TXNRD1: variants seen among roughly 807,000 people sequenced by gnomAD.
TXNRD1 encodes the protein thioredoxin reductase 1, cytoplasmic.
TXNRD1 carries 57 observed loss-of-function variants against 80.3 expected under a neutral mutation model. That is an observed-to-expected ratio of 0.71 (90% CI 0.57 to 0.89). TXNRD1 has a LOEUF of 0.89. Among genes scored for constraint, TXNRD1 ranks in the 40% least tolerant of loss-of-function variants. TXNRD1 has a pLI of 0.00. For synonymous variants in TXNRD1, 291 were observed against 285.2 expected, an observed-to-expected ratio of 1.02 and a Z score of -0.20; for missense variants, 730 against 803.0, an observed-to-expected ratio of 0.91 and a Z score of 1.10.
chr12:104,309,691 A>C, intron 4 of TXNRD1: 1 of 1,179,388 alleles, frequency 8.5e-7, no homozygotes, highest in Non-Finnish European at 1.2e-6. Flanking sequence ...GAGTCACACT[A>C]GTTACTTGAA....
chr12:104,315,826 G>A lies in TXNRD1; in HGVS notation c.660G>A (p.Met220Ile). Residue 220 changes from methionine (M) to isoleucine (I), a missense_variant, in exon 7 of 17, where the codon ATG (methionine) becomes ATA (isoleucine). Met to Ile is a conservative substitution (Grantham distance 10). Transcript: ENST00000525566. ...VNVGCIPKKL[M>I]HQAALLGQAL... ...TGGGTTGCATACCTAAAAAACTGAT[G>A]CATCAAGCAGCTTTGTTAGGACAAG... is the stretch of plus-strand genomic sequence containing the variant. 6.2e-7 allele frequency: 1 copy of A among 1,612,708 alleles called. No homozygotes were observed. Among genetic ancestry groups the A allele is most frequent in the Non-Finnish European group, 8.5e-7 (1 of 1,179,084 alleles).
chr12:104,270,481 G>A (rs1035769824), intron 3 of TXNRD1, among the ~76,000 whole-genome samples: 3 of 152,126 alleles, frequency 2.0e-5, no homozygotes, highest in Admixed American at 6.6e-5. Context: ...GGTCTCAACA[G>A]TGGGCTTAAA....
chr12:104,309,672 C>A, intron 4 of TXNRD1: 1 of 940,804 alleles, frequency 1.1e-6, no homozygotes, highest in Non-Finnish European at 1.5e-6. Context: ...CTCTTTGAGA[C>A]CCAGTAGGGA....
At chr12:104,267,647 ATCTTTCTTTCTT>A (rs753275941) in intron 3 of TXNRD1, among the ~76,000 whole-genome samples, 1 of 140,460 alleles carries the variant, frequency 7.1e-6, no homozygotes, top group Admixed American at 7.3e-5. Context: ...ATGTGATGGT[ATCTTTCTTTCTT>A]TCTTTCTTTC....
chr12:104,268,235 G>T (rs557344507), intron 3 of TXNRD1, among the ~76,000 whole-genome samples: 15 of 151,210 alleles, frequency 9.9e-5, no homozygotes, highest in South Asian at 2.1e-4. Context: ...TCACTGGCTG[G>T]GTGCGGTGGC....
chr12:104,230,114 G>A (rs1040650662), intron 1 of TXNRD1, among the ~76,000 whole-genome samples: 1 of 151,750 alleles, frequency 6.6e-6, no homozygotes, highest in Non-Finnish European at 1.5e-5. Flanking sequence ...CTGTCACCCA[G>A]GCTGGAGTGC....
chr12:104,340,585 G>A (rs528933556), intron 16 of TXNRD1, among the ~76,000 whole-genome samples: 10 of 152,250 alleles, frequency 6.6e-5, no homozygotes, highest in African/African-American at 1.4e-4. Context: ...AATCCTTGGC[G>A]TTCCTTGGCT....
At position 104,323,795 on chromosome 12, in the gene TXNRD1, C is replaced by T. The variant is rs1234570837; in HGVS notation, c.1216-1542C>T. ...TCACCTCCCGGACGGGGCGGCTGGC[C>T]GGGCGGGGGGGCTGACCCCCCCCCA... is the stretch of plus-strand genomic sequence containing the variant. On this transcript the variant is annotated intron_variant, in intron 10 of 16. Coordinates refer to ENST00000525566, the MANE Select transcript of TXNRD1 (RefSeq NM_001093771.3). Among the ~76,000 whole-genome samples the T allele has an allele frequency of 4.8e-5, 6 of 126,250 alleles. No individual in the cohort carries two copies. The East Asian group carries it at 1.1e-3, about 24-fold the overall frequency. 82.8% of individuals were successfully genotyped at this position (126,250 alleles called of 152,430 possible).
intron 15 of TXNRD1, among the ~76,000 whole-genome samples, chr12:104,338,758 CT>C (rs1732302005): frequency 6.6e-6 from 1 of 151,846 alleles, no homozygotes; most frequent in African/African-American, 2.4e-5. Flanking sequence ...GCTCTGTCGT[CT>C]AGGCTGGAGT....
chr12:104,267,657 C>CTTTCTTTCTTTG (rs1565870060), intron 3 of TXNRD1, among the ~76,000 whole-genome samples: 1 of 31,196 alleles, frequency 3.2e-5, no homozygotes, highest in Admixed American at 3.4e-4. Context: ...ATCTTTCTTT[C>CTTTCTTTCTTTG]TTTCTTTCTT....
At chr12:104,337,895 T>G (rs2036191264) in intron 15 of TXNRD1, among the ~76,000 whole-genome samples, 1 of 149,418 alleles carries the variant, frequency 6.7e-6, no homozygotes, top group African/African-American at 2.5e-5. Context: ...CAAGCATTCC[T>G]CCCACCTCAG....
At chr12:104,325,084 C>G (rs921454877) in intron 10 of TXNRD1, among the ~76,000 whole-genome samples, 2 of 152,164 alleles carry the variant, frequency 1.3e-5, no homozygotes, top group South Asian at 4.1e-4. Context: ...TTTTCCCCCC[C>G]ATTTTTCTCT....
intron 15 of TXNRD1, among the ~76,000 whole-genome samples, chr12:104,335,373 T>C (rs945625783): frequency 2.6e-5 from 4 of 152,042 alleles, no homozygotes; most frequent in Non-Finnish European, 5.9e-5. Flanking sequence ...AGCTATTCTG[T>C]ATTTTTAGTA....
At chr12:104,297,558 T>G (rs2034476969) in intron 4 of TXNRD1, among the ~76,000 whole-genome samples, 1 of 151,774 alleles carries the variant, frequency 6.6e-6, no homozygotes, top group Admixed American at 6.6e-5. Context: ...AGAGACAAGA[T>G]TTCTCTATGT....
intron 4 of TXNRD1, chr12:104,304,271 T>C: frequency 6.2e-7 from 1 of 1,614,082 alleles, no homozygotes. Flanking sequence ...AGATATGAAC[T>C]TCTTTAATCA....
chr12:104,328,758 CAAAAAAA>C (rs33918583), intron 13 of TXNRD1, among the ~76,000 whole-genome samples: 2 of 92,794 alleles, frequency 2.2e-5, no homozygotes, highest in Admixed American at 1.2e-4. Context: ...GACTCTGCCT[CAAAAAAA>C]AAAAAAAAAA....
chr12:104,265,197 A>T (rs1374604038), intron 3 of TXNRD1: 12 of 975,062 alleles, frequency 1.2e-5, no homozygotes, highest in Non-Finnish European at 1.7e-5. Flanking sequence ...GGTTGCAGTG[A>T]GCTGAGATCA....
chr12:104,331,578 A>G lies in TXNRD1; in HGVS notation c.1587A>G (p.Glu529=), dbSNP rs1296557396. The change falls in exon 14 of 17, where the codon GAA becomes GAG. Residue 529 remains glutamate (E), a synonymous_variant. Transcript: ENST00000525566. ...CAACCACTGTATTTACTCCTTTGGAATATGGTGCTTGTGGCCTTTCTGAGG... is the reference window on the plus strand; with the variant it reads ...CAACCACTGTATTTACTCCTTTGGAGTATGGTGCTTGTGGCCTTTCTGAGG... The part of the protein sequence containing the change: ...NVPTTVFTPL[E]YGACGLSEEK... The G allele has an allele frequency of 6.2e-7, 1 of 1,612,610 alleles. No homozygotes were observed. The highest frequency in any genetic ancestry group is 1.3e-5 in the African/African-American group (1 of 74,878).
At chr12:104,326,482 T>TTTGTTG in intron 12 of TXNRD1, 59 bp downstream of exon 12, 1 of 1,031,816 alleles carries the variant, frequency 9.7e-7, no homozygotes, top group Non-Finnish European at 1.4e-6. Flanking sequence ...TTTTTTTTTT[T>TTTGTTG]GAGATGGAGT....
Sources: gnomAD v4.1 joint callset for allele counts (sites outside exome capture counted in the v4.1 genomes callset) on GRCh38, gnomAD v4.1.1 for gene constraint, MANE v1.5 for transcripts, NCBI Gene and HGNC (gene_info 2026-07-23, HGNC 2026-07-21) for gene names.